The following RERE variants were observed in gnomAD, a reference collection of about 807,000 sequenced individuals.
RERE encodes arginine-glutamic acid dipeptide repeats.
Under a neutral mutation model 146.1 loss-of-function variants are expected in RERE, and 40 were observed. That is an observed-to-expected ratio of 0.27 (90% CI 0.21 to 0.36). The LOEUF is 0.36. Ranked by LOEUF, RERE falls within the 10% of genes least tolerant of loss-of-function variation. The probability of loss-of-function intolerance (pLI) is 1.00; values close to 1 mark genes in which losing one functional copy is unlikely to be tolerated. For missense variants in RERE, 1,933 were observed against 2,138.7 expected, an observed-to-expected ratio of 0.90 and a Z score of 1.90; for synonymous variants, 1,003 against 866.0, an observed-to-expected ratio of 1.16 and a Z score of -2.78.
chr1:8,676,283 C>G (rs889206802), intron 1 of RERE, among the ~76,000 whole-genome samples: 1 of 152,164 alleles, frequency 6.6e-6, no homozygotes, highest in Non-Finnish European at 1.5e-5. Context: ...AATCTGACAT[C>G]TGTCACATCA....
chr1:8,649,725 G>A (rs1393435606), intron 2 of RERE, among the ~76,000 whole-genome samples: 25 of 137,376 alleles, frequency 1.8e-4, no homozygotes, highest in African/African-American at 5.5e-4. Context: ...GCAAGACTCC[G>A]TCTCAAAAAA....
chr1:8,784,445 T>C (rs1230263727), intron 1 of RERE, among the ~76,000 whole-genome samples: 1 of 151,782 alleles, frequency 6.6e-6, no homozygotes, highest in Admixed American at 6.6e-5. Context: ...AGAGGCAGGG[T>C]TTTTAGGTTT....
intron 10 of RERE, among the ~76,000 whole-genome samples, chr1:8,479,400 A>G (rs1644802770): frequency 6.6e-6 from 1 of 152,046 alleles, no homozygotes; most frequent in South Asian, 2.1e-4. Context: ...AATGACCACC[A>G]GAAGATATAC....
At chr1:8,627,301 G>A (rs980882722) in intron 2 of RERE, among the ~76,000 whole-genome samples, 2 of 151,726 alleles carry the variant, frequency 1.3e-5, no homozygotes, top group African/African-American at 2.4e-5. Context: ...TACCTTCCCC[G>A]TACTCACCAA....
intron 4 of RERE, among the ~76,000 whole-genome samples, chr1:8,587,907 G>C (rs1172793573): frequency 1.3e-5 from 2 of 152,126 alleles, no homozygotes; most frequent in Non-Finnish European, 2.9e-5. Flanking sequence ...ACTTCCCCAA[G>C]CTCTGTTCTC....
chr1:8,466,587 T>A (rs1644601014), intron 10 of RERE, among the ~76,000 whole-genome samples: 1 of 152,194 alleles, frequency 6.6e-6, no homozygotes, highest in Non-Finnish European at 1.5e-5. Flanking sequence ...TTCTTTCTTT[T>A]TAGCATTTCT....
chr1:8,401,119 T>A (rs1165524053), intron 12 of RERE, among the ~76,000 whole-genome samples: 2 of 146,680 alleles, frequency 1.4e-5, no homozygotes, highest in East Asian at 2.0e-4. Context: ...ATTAAGCACA[T>A]GTCCTGTCAT....
At chr1:8,773,447 G>A (rs1311474733) in intron 1 of RERE, among the ~76,000 whole-genome samples, 1 of 152,130 alleles carries the variant, frequency 6.6e-6, no homozygotes, top group Non-Finnish European at 1.5e-5. Context: ...AAATCCCAGT[G>A]CTTTGGGAGG....
At chr1:8,685,436 T>C (rs1639063561) in intron 1 of RERE, among the ~76,000 whole-genome samples, 1 of 151,966 alleles carries the variant, frequency 6.6e-6, no homozygotes, top group African/African-American at 2.4e-5. Context: ...GATTTATCTA[T>C]TAAGGCCGGG....
At chr1:8,632,228 G>A (rs1174470164) in intron 2 of RERE, among the ~76,000 whole-genome samples, 1 of 152,180 alleles carries the variant, frequency 6.6e-6, no homozygotes, top group Non-Finnish European at 1.5e-5. Context: ...GTGACAGGTA[G>A]GCTGGGTGAA....
At chr1:8,730,775 C>T (rs1640063936) in intron 1 of RERE, among the ~76,000 whole-genome samples, 1 of 152,194 alleles carries the variant, frequency 6.6e-6, no homozygotes, top group Admixed American at 6.5e-5. Context: ...CCACAGTGAC[C>T]AGCCAGTTTC....
At chr1:8,500,736 C>T (rs896934651) in intron 8 of RERE, among the ~76,000 whole-genome samples, 12 of 151,936 alleles carry the variant, frequency 7.9e-5, no homozygotes, top group Non-Finnish European at 1.8e-4. Flanking sequence ...AGCGTCTCTG[C>T]CCGGCCGCCA....
chr1:8,360,411 G>A lies in RERE; in HGVS notation c.3096C>T (p.Pro1032=). Residue 1032 remains proline, a synonymous_variant, in exon 18 of 23, where the codon CCC becomes CCT. Transcript: ENST00000400908. ...PTGLHQVAPQ[P]PFAQHPFVPG... is the part of the protein sequence containing the mutation. ...GGACAAAGGGGTGCTGAGCAAACGGGGGTTGGGGGGCCACCTGGTGGAGGC... is the reference window on the plus strand; with the variant it reads ...GGACAAAGGGGTGCTGAGCAAACGGAGGTTGGGGGGCCACCTGGTGGAGGC... 2 of 1,385,280 alleles carry A rather than the reference G, an allele frequency of 1.4e-6. No individual in the cohort carries two copies. The highest frequency in any genetic ancestry group is 1.9e-6 in the Non-Finnish European group (2 of 1,068,722). 85.8% of individuals were successfully genotyped at this position (1,385,280 alleles called of 1,614,324 possible). A position where few individuals can be genotyped will look rare whatever the true frequency, so the allele number is the denominator to read the frequency against.
At chr1:8,586,135 G>A (rs1646425095) in intron 4 of RERE, among the ~76,000 whole-genome samples, 1 of 152,132 alleles carries the variant, frequency 6.6e-6, no homozygotes, top group Non-Finnish European at 1.5e-5. Context: ...TAGGTCAAAT[G>A]ACTTGGAATC....
intron 7 of RERE, among the ~76,000 whole-genome samples, chr1:8,520,246 A>G (rs1240994992): frequency 2.0e-5 from 3 of 152,188 alleles, no homozygotes; most frequent in Admixed American, 1.3e-4. Flanking sequence ...CCAATCTTCT[A>G]GCTTAATAGA....
intron 1 of RERE, among the ~76,000 whole-genome samples, chr1:8,722,742 G>A (rs895308482): frequency 1.2e-4 from 18 of 152,200 alleles, no homozygotes; most frequent in African/African-American, 3.9e-4. Flanking sequence ...TGGAGACGAT[G>A]TAAAGTATAA....
At chr1:8,683,705 G>A (rs1039661544) in intron 1 of RERE, among the ~76,000 whole-genome samples, 5 of 152,174 alleles carry the variant, frequency 3.3e-5, no homozygotes, top group Non-Finnish European at 7.3e-5. Context: ...CACTTTGGGA[G>A]GCCAAGGCGG....
intron 4 of RERE, among the ~76,000 whole-genome samples, chr1:8,603,336 C>G (rs1646657143): frequency 6.6e-6 from 1 of 152,258 alleles, no homozygotes; most frequent in African/African-American, 2.4e-5. Context: ...TGTATTTACA[C>G]TGATGGTTTC....
intron 11 of RERE, among the ~76,000 whole-genome samples, chr1:8,456,394 A>G (rs1210580911): frequency 1.3e-5 from 2 of 152,164 alleles, no homozygotes; most frequent in Non-Finnish European, 2.9e-5. Flanking sequence ...TCCTCTCACA[A>G]ATGCTGAATT....
Sources: gnomAD v4.1 joint callset for allele counts (sites outside exome capture counted in the v4.1 genomes callset) on GRCh38, gnomAD v4.1.1 for gene constraint, MANE v1.5 for transcripts, NCBI Gene and HGNC (gene_info 2026-07-23, HGNC 2026-07-21) for gene names.